The following AKAP6 variants were observed in gnomAD, a reference collection of about 807,000 sequenced individuals.
The protein encoded by AKAP6 is A-kinase anchor protein 6.
In AKAP6, 58 loss-of-function variants were observed where a neutral mutation model predicts 188.5. The observed-to-expected ratio is 0.31, with a 90% CI of 0.25 to 0.38. AKAP6 has a LOEUF of 0.38. Ranked by LOEUF, AKAP6 falls within the 10% of genes least tolerant of loss-of-function variation. The pLI is 1.00. For synonymous variants in AKAP6, 989 were observed against 998.6 expected, an observed-to-expected ratio of 0.99 and a Z score of 0.18; for missense variants, 2,710 against 2,740.0, an observed-to-expected ratio of 0.99 and a Z score of 0.24.
intron 2 of AKAP6, among the ~76,000 whole-genome samples, chr14:32,479,398 C>A (rs998701867): frequency 6.6e-6 from 1 of 152,034 alleles, no homozygotes; most frequent in African/African-American, 2.4e-5. Context: ...CTAGAGATAT[C>A]CACTATTACC....
intron 2 of AKAP6, among the ~76,000 whole-genome samples, chr14:32,480,646 C>T (rs956144629): frequency 2.0e-5 from 3 of 152,068 alleles, no homozygotes; most frequent in African/African-American, 7.2e-5. Context: ...AATCTGTTTT[C>T]ATTTATCATT....
chr14:32,586,057 C>T (rs528790703), intron 5 of AKAP6, among the ~76,000 whole-genome samples: 67 of 152,152 alleles, frequency 4.4e-4, no homozygotes, highest in African/African-American at 1.4e-3. Flanking sequence ...GTAGGGTCAG[C>T]CTTCATAGAT....
Position 32,824,232 on chromosome 14 carries a change from A to G in AKAP6, c.6419A>G (p.Asp2140Gly), listed in dbSNP as rs1475141111. ...AAAAGCAGCACTCCATTGCCACTAGACACCACTGACTCGGGCTTAGATGAC... is the reference window on the plus strand; with the variant it reads ...AAAAGCAGCACTCCATTGCCACTAGGCACCACTGACTCGGGCTTAGATGAC... ...EEKSSTPLPL[D>G]TTDSGLDDKE... Residue 2140 changes from aspartate to glycine, a missense_variant, in exon 13 of 14, where the codon GAC becomes GGC. This residue lies in a region of AKAP6 where 2,473 missense variants were observed against 2,426.1 expected (regional missense o/e 1.02). Coordinates refer to ENST00000280979, the MANE Select transcript of AKAP6 (RefSeq NM_004274.5). 1.3e-5 allele frequency: 21 copies of G among 1,613,852 alleles called. No individual in the cohort carries two copies. Among genetic ancestry groups the G allele is most frequent in the Non-Finnish European group, 1.8e-5 (21 of 1,179,956 alleles).
At chr14:32,770,684 C>T (rs1001415313) in intron 11 of AKAP6, among the ~76,000 whole-genome samples, 1 of 152,206 alleles carries the variant, frequency 6.6e-6, no homozygotes, top group Non-Finnish European at 1.5e-5. Flanking sequence ...CCATCTGGTT[C>T]ACACCATTCC....
At chr14:32,370,742 G>GA (rs1887978877) in intron 1 of AKAP6, among the ~76,000 whole-genome samples, 1 of 152,074 alleles carries the variant, frequency 6.6e-6, no homozygotes, top group South Asian at 2.1e-4. Flanking sequence ...TCTGAAAATG[G>GA]AAAAAAATGA....
intron 1 of AKAP6, among the ~76,000 whole-genome samples, chr14:32,420,317 G>A (rs7342555): frequency 0.056 from 8,539 of 152,098 alleles, 683 homozygotes; most frequent in African/African-American, 0.18. Flanking sequence ...GAGAATTTAT[G>A]TAGCTCATTC....
chr14:32,768,763 G>A (rs1382167838), intron 11 of AKAP6, among the ~76,000 whole-genome samples: 1 of 152,034 alleles, frequency 6.6e-6, no homozygotes, highest in South Asian at 2.1e-4. Flanking sequence ...TCAAACTTTA[G>A]CATGTATTGG....
intron 7 of AKAP6, among the ~76,000 whole-genome samples, chr14:32,667,953 C>T (rs956483063): frequency 6.6e-6 from 1 of 152,002 alleles, no homozygotes; most frequent in African/African-American, 2.4e-5. Context: ...AAGGAAGTGC[C>T]AGTTCTACAG....
intron 2 of AKAP6, among the ~76,000 whole-genome samples, chr14:32,450,850 A>C (rs893421982): frequency 6.6e-6 from 1 of 152,192 alleles, no homozygotes; most frequent in African/African-American, 2.4e-5. Flanking sequence ...AGAATGCTAC[A>C]ATTTGGGCCA....
At chr14:32,509,345 C>T (rs1881054648) in intron 2 of AKAP6, among the ~76,000 whole-genome samples, 1 of 151,834 alleles carries the variant, frequency 6.6e-6, no homozygotes, top group Admixed American at 6.6e-5. Flanking sequence ...CCAGGCTGGT[C>T]TTAAACTCCT....
intron 1 of AKAP6, among the ~76,000 whole-genome samples, chr14:32,334,741 G>A (rs1951690): frequency 0.35 from 53,325 of 151,958 alleles, 10,125 homozygotes; most frequent in African/African-American, 0.5. Context: ...TCTTCTCCAC[G>A]AGCACATACC....
chr14:32,530,764 G>A (rs911948911), intron 2 of AKAP6, among the ~76,000 whole-genome samples: 1 of 151,946 alleles, frequency 6.6e-6, no homozygotes, highest in Non-Finnish European at 1.5e-5. Flanking sequence ...AAATATATGA[G>A]TTACCTTAAC....
At chr14:32,575,600 G>A (rs1388836880) in intron 4 of AKAP6, among the ~76,000 whole-genome samples, 2 of 152,092 alleles carry the variant, frequency 1.3e-5, no homozygotes, top group African/African-American at 4.8e-5. Context: ...TTTCTCATTA[G>A]TTTTATCAAA....
chr14:32,572,821 G>A (rs1304259923), intron 4 of AKAP6, among the ~76,000 whole-genome samples: 2 of 152,116 alleles, frequency 1.3e-5, no homozygotes, highest in African/African-American at 2.4e-5. Flanking sequence ...TTACCCTCAC[G>A]AAGGAACTTT....
intron 2 of AKAP6, among the ~76,000 whole-genome samples, chr14:32,457,747 T>G (rs1957022): frequency 0.35 from 52,701 of 152,080 alleles, 13,233 homozygotes; most frequent in African/African-American, 0.71. Context: ...AACATGAAAT[T>G]TCTGAATTGT....
rs57321227 is a variant in AKAP6 at position 32,813,546 on chromosome 14, A to G, written c.3589-7856A>G. On this transcript the variant is annotated intron_variant, in intron 12 of 13. Transcript: ENST00000280979. ...TAGCATAAACTCTGTTGTGATCAAAAGGGGCCATTATGAATAACAAAAGGT... is the reference window on the plus strand; with the variant it reads ...TAGCATAAACTCTGTTGTGATCAAAGGGGGCCATTATGAATAACAAAAGGT... Among the ~76,000 whole-genome samples the G allele has an allele frequency of 1.1e-4, 17 of 152,210 alleles. No homozygotes were observed. In the East Asian group the frequency reaches 3.3e-3, roughly 29 times the overall value.
intron 11 of AKAP6, among the ~76,000 whole-genome samples, chr14:32,760,129 A>G (rs2032488139): frequency 6.6e-6 from 1 of 152,234 alleles, no homozygotes; most frequent in South Asian, 2.1e-4. Context: ...AGGTTGTTTC[A>G]TGCAAATTAT....
chr14:32,452,963 C>A (rs1442245758), intron 2 of AKAP6, among the ~76,000 whole-genome samples: 2 of 152,074 alleles, frequency 1.3e-5, no homozygotes, highest in African/African-American at 4.8e-5. Context: ...ATGAAGCCAT[C>A]CGTTGTTGGA....
chr14:32,398,660 A>T (rs1888958403), intron 1 of AKAP6, among the ~76,000 whole-genome samples: 1 of 152,098 alleles, frequency 6.6e-6, no homozygotes, highest in Non-Finnish European at 1.5e-5. Flanking sequence ...AACACATGAT[A>T]ATTGTCAAAC....
Sources: gnomAD v4.1 joint callset for allele counts (sites outside exome capture counted in the v4.1 genomes callset) on GRCh38, gnomAD v4.1.1 for gene constraint, gnomAD v4.1.1 regional missense constraint, MANE v1.5 for transcripts, NCBI Gene and HGNC (gene_info 2026-07-23, HGNC 2026-07-21) for gene names.